Variants in PTPRT observed in about 807,000 individuals in gnomAD.
PTPRT encodes the protein protein tyrosine phosphatase receptor type T.
In PTPRT, 56 loss-of-function variants were observed where a neutral mutation model predicts 176.8. That is an observed-to-expected ratio of 0.32 (90% CI 0.26 to 0.40). The LOEUF is 0.40. PTPRT is among the 10% of genes least tolerant of loss of function. The pLI is 1.00. For missense variants in PTPRT, 1,540 were observed against 1,908.2 expected (o/e 0.81, Z 3.60); for synonymous variants, 783 against 739.0 (o/e 1.06, Z -0.96).
intron 1 of PTPRT, among the ~76,000 whole-genome samples, chr20:43,036,570 CAA>C (rs5841486): frequency 6.6e-6 from 1 of 150,788 alleles, no homozygotes; most frequent in African/African-American, 2.4e-5. Context: ...TAAGAATTTA[CAA>C]AAAAAAACCC....
intron 2 of PTPRT, among the ~76,000 whole-genome samples, chr20:42,817,264 C>A (rs1441594214): frequency 6.6e-6 from 1 of 151,866 alleles, no homozygotes; most frequent in Non-Finnish European, 1.5e-5. Context: ...AAATGGATGA[C>A]CTGTGAGGGC....
rs1042213747 is a variant in PTPRT at position 43,005,310 on chromosome 20, T to C, written c.89-119378A>G. Among the ~76,000 whole-genome samples the C allele has an allele frequency of 3.3e-5, 5 of 152,176 alleles. No individual in the cohort carries two copies. The South Asian group carries it at 8.3e-4, about 25-fold the overall frequency. On this transcript the variant is annotated intron_variant, in intron 1 of 30. Transcript: ENST00000373187. ...CAACCGCATCTTGTTGCTTCTTTCC[T>C]GTGACTCCCGGTGCTCTGGCCACAT... is the stretch of plus-strand genomic sequence containing the variant.
intron 1 of PTPRT, among the ~76,000 whole-genome samples, chr20:43,031,719 G>A (rs917817061): frequency 6.6e-6 from 1 of 152,094 alleles, no homozygotes; most frequent in African/African-American, 2.4e-5. Context: ...ATCTTCAAAA[G>A]GTATGAATAT....
At chr20:42,313,693 T>C (rs1181461554) in intron 12 of PTPRT, among the ~76,000 whole-genome samples, 1 of 152,126 alleles carries the variant, frequency 6.6e-6, no homozygotes, top group African/African-American at 2.4e-5. Flanking sequence ...AACTGGCCAG[T>C]GTGGGATGCC....
Position 42,161,517 on chromosome 20 carries a change from G to C in PTPRT, c.2517C>G (p.Ser839=). 1 of 1,611,988 alleles carries C rather than the reference G, an allele frequency of 6.2e-7. No individual in the cohort carries two copies. The highest frequency in any genetic ancestry group is 1.1e-5 in the South Asian group (1 of 90,766). Residue 839 remains serine (S), a synonymous_variant, in exon 17 of 31, where the codon TCC becomes TCG. Coordinates refer to ENST00000373187, the MANE Select transcript of PTPRT (RefSeq NM_007050.6). ...GFTDGSRGEL[S]QPTLTIQTHP... is the part of the protein sequence containing the mutation. ...GAGTCTGGATCGTGAGGGTGGGCTG[G>C]GAAAGCTCCCCGCGGCTGCCATCTG...
rs371415570 is a variant in PTPRT, at chr20:42,823,160, G to A, written c.215-31694C>T. On this transcript the variant is annotated intron_variant, in intron 2 of 30. Transcript: ENST00000373187. ...CCCAAATCCCCATCAATGATAGACC[G>A]GATAAAGAAAATGTGGTAAATATAT... 5.5e-4 allele frequency among the ~76,000 whole-genome samples: 83 copies of A among 152,180 alleles called. 1 individual carries two copies. The highest frequency in any genetic ancestry group is 1.8e-3 in the African/African-American group (73 of 41,510).
At chr20:42,290,038 A>T (rs1282066141) in intron 12 of PTPRT, among the ~76,000 whole-genome samples, 1 of 152,012 alleles carries the variant, frequency 6.6e-6, no homozygotes, top group Non-Finnish European at 1.5e-5. Context: ...CAGCAAGCAA[A>T]TCAGGTATAT....
At chr20:42,647,203 G>T (rs895841371) in intron 7 of PTPRT, among the ~76,000 whole-genome samples, 2 of 151,798 alleles carry the variant, frequency 1.3e-5, no homozygotes, top group Non-Finnish European at 2.9e-5. Flanking sequence ...AGCCTCCAAT[G>T]ACTAAGATAG....
In PTPRT at chr20:42,861,495, A is replaced by G. The variant is rs530854855; in HGVS notation, c.214+24312T>C. The stretch of plus-strand genomic sequence containing the variant: ...TTCATTCATTCATTTAAGAAAAAAA[A>G]TTCTGAGTACCTACTATGTGTTGCT... On this transcript the variant is annotated intron_variant, in intron 2 of 30. Transcript: ENST00000373187. Among the ~76,000 whole-genome samples, 3 of 152,326 alleles carry G rather than the reference A, an allele frequency of 2.0e-5. No homozygotes were observed. The East Asian group carries it at 5.8e-4, about 29-fold the overall frequency.
At chr20:43,112,534 G>GAAAGAAAGGATGGAGTGA (rs1322397589) in intron 1 of PTPRT, among the ~76,000 whole-genome samples, 1 of 152,218 alleles carries the variant, frequency 6.6e-6, no homozygotes, top group Non-Finnish European at 1.5e-5. Context: ...AGACTATGTG[G>GAAAGAAAGGATGGAGTGA]AAAGAAAGGA....
At chr20:43,068,606 G>A (rs573162079) in intron 1 of PTPRT, among the ~76,000 whole-genome samples, 5 of 151,850 alleles carry the variant, frequency 3.3e-5, no homozygotes, top group Non-Finnish European at 7.4e-5. Context: ...ACAACAGGGA[G>A]TTATCAGTGT....
intron 5 of PTPRT, among the ~76,000 whole-genome samples, chr20:42,758,308 T>A (rs1344175166): frequency 6.6e-6 from 1 of 152,184 alleles, no homozygotes; most frequent in Admixed American, 6.5e-5. Context: ...CTATGTCATC[T>A]TTCCTCACCC....
chr20:42,564,192 TC>T lies in PTPRT; in HGVS notation c.1154-91631del, dbSNP rs142090463. ...ATACCCAGCAACCGCCTAGTCTCCT[TC>T]ACAGAAAGAAACAGCAAAATTCTAA... On this transcript the variant is annotated intron_variant, in intron 7 of 30. Transcript: ENST00000373187. 3.1e-3 allele frequency among the ~76,000 whole-genome samples: 465 copies of T among 152,316 alleles called. 3 individuals are homozygous for T. Among genetic ancestry groups the T allele is most frequent in the African/African-American group, 0.011 (447 of 41,574 alleles).
chr20:42,978,757 C>T (rs924164885), intron 1 of PTPRT, among the ~76,000 whole-genome samples: 2 of 152,186 alleles, frequency 1.3e-5, no homozygotes, highest in African/African-American at 4.8e-5. Context: ...ATCCTCACTG[C>T]TACACTCCCG....
chr20:42,219,468 G>T (rs932774789), intron 15 of PTPRT, among the ~76,000 whole-genome samples: 2 of 152,156 alleles, frequency 1.3e-5, no homozygotes, highest in Non-Finnish European at 2.9e-5. Context: ...CCATTCTTCT[G>T]TGATAGGAGG....
intron 7 of PTPRT, among the ~76,000 whole-genome samples, chr20:42,648,799 AT>A (rs957007987): frequency 8.9e-4 from 105 of 117,732 alleles, no homozygotes; most frequent in Middle Eastern, 4.1e-3. Context: ...AGGAAAGGGG[AT>A]TTTTTTTTTT....
At chr20:42,553,706 C>T (rs2072810499) in intron 7 of PTPRT, among the ~76,000 whole-genome samples, 1 of 152,104 alleles carries the variant, frequency 6.6e-6, no homozygotes, top group Non-Finnish European at 1.5e-5. Flanking sequence ...CAGTTTTCCT[C>T]TGTAACCCAG....
intron 11 of PTPRT, among the ~76,000 whole-genome samples, chr20:42,317,555 T>C (rs2057738260): frequency 6.6e-6 from 1 of 152,088 alleles, no homozygotes; most frequent in South Asian, 2.1e-4. Context: ...AAACAGGGCA[T>C]AGTGAACCAG....
chr20:42,498,624 A>T (rs1422043338), intron 7 of PTPRT, among the ~76,000 whole-genome samples: 3 of 152,164 alleles, frequency 2.0e-5, no homozygotes, highest in African/African-American at 4.8e-5. Flanking sequence ...AGATTTTGAC[A>T]TCTTTTAGCT....
Sources: allele counts gnomAD v4.1 joint callset (sites outside exome capture counted in the v4.1 genomes callset), GRCh38; gene constraint gnomAD v4.1.1; transcripts MANE v1.5; gene names NCBI Gene and HGNC (gene_info 2026-07-23, HGNC 2026-07-21).